Variants in GPSM1 observed in about 807,000 individuals in gnomAD.
GPSM1 encodes the protein G protein-signaling modulator 1.
In GPSM1, 48 loss-of-function variants were observed where a neutral mutation model predicts 70.5. The observed-to-expected ratio is 0.68, with a 90% confidence interval of 0.54 to 0.87. GPSM1 has a LOEUF of 0.87. Ranked by LOEUF, GPSM1 falls within the 40% of genes least tolerant of loss-of-function variation. GPSM1 has a pLI of 0.00. For missense variants in GPSM1, 981 were observed against 972.6 expected, an observed-to-expected ratio of 1.01 and a Z score of -0.11; for synonymous variants, 416 against 430.1, an observed-to-expected ratio of 0.97 and a Z score of 0.41.
chr9:136,331,855 C>T (rs974944059), intron 1 of GPSM1: 5 of 395,984 alleles, frequency 1.3e-5, no homozygotes, highest in Non-Finnish European at 2.2e-5. Flanking sequence ...CCCCCGAGCA[C>T]CTGCTGGAGG....
At chr9:136,356,586 C>A (rs1554773233) in intron 13 of GPSM1, 36 bp downstream of exon 13, 2 of 1,517,488 alleles carry the variant, frequency 1.3e-6, no homozygotes, top group South Asian at 2.4e-5. Flanking sequence ...GGCTCGCGGC[C>A]CCTTTGCCAT....
At chr9:136,332,616 C>T (rs1588689489) in intron 1 of GPSM1, among the ~76,000 whole-genome samples, 2 of 152,264 alleles carry the variant, frequency 1.3e-5, no homozygotes, top group Admixed American at 6.5e-5. Context: ...AAGCCCCGTG[C>T]GTGGCGCTGG....
Position 136,340,930 on chromosome 9 carries a change from C to G in GPSM1, c.1144C>G (p.Leu382Val), listed in dbSNP as rs886354412. 1.3e-6 allele frequency: 2 copies of G among 1,567,830 alleles called. No individual in the cohort carries two copies. The highest frequency in any genetic ancestry group is 3.7e-5 in the Admixed American group (2 of 53,542). ...GAACGTGGCGCAGCTGCAGCTGGTGCTCGGCCGCCTGACCAGCCCGGCAGC... is the reference window on the plus strand; with the variant it reads ...GAACGTGGCGCAGCTGCAGCTGGTGGTCGGCCGCCTGACCAGCCCGGCAGC... Reference protein sequence around the residue: ...RMNVAQLQLVLGRLTSPAASE... With the variant: ...RMNVAQLQLVVGRLTSPAASE... Residue 382 changes from leucine (L) to valine (V), a missense_variant, in exon 9 of 14, where the codon CTC becomes GTC. Transcript: ENST00000440944. The surrounding 1 kb of genome is among the most constrained non-coding windows in gnomAD (Gnocchi z 7.3).
rs782746529 is a variant in GPSM1, at chr9:136,356,500, G to A, written c.1771G>A (p.Glu591Lys). 72 of 1,611,634 alleles carry A rather than the reference G, an allele frequency of 4.5e-5. No homozygotes were observed. Among genetic ancestry groups the A allele is most frequent in the Admixed American group, 5.0e-5 (3 of 59,926 alleles). The change falls in exon 13 of 14, where the codon GAG (glutamate) becomes AAG (lysine). Residue 591 changes from glutamate (E) to lysine (K), a missense_variant. Physicochemically the swap from Glu to Lys is moderately conservative, Grantham distance 56. Coordinates refer to ENST00000440944, the MANE Select transcript of GPSM1 (RefSeq NM_001145638.3). ...TGCAGGGCACCTCCGAGGCCACGGC[G>A]AGCCCCAGGAGCCGGGGGACGACTT... ...SNAGHLRGHG[E>K]PQEPGDDFFN...
chr9:136,340,794 G>A lies in GPSM1; in HGVS notation c.1084-76G>A, dbSNP rs1832368960. ...AAGGTCAGGGACGGGTGTACTGGGG[G>A]CCATTAAGGTCCCCTTGGAGCCCAC... On this transcript the variant is annotated intron_variant, in intron 8 of 13. Coordinates refer to ENST00000440944, the MANE Select transcript of GPSM1 (RefSeq NM_001145638.3). The surrounding 1 kb of genome is among the most constrained non-coding windows in gnomAD (Gnocchi z 7.3). 10 of 1,483,848 alleles carry A rather than the reference G, an allele frequency of 6.7e-6. No homozygotes were observed. Among genetic ancestry groups the A allele is most frequent in the South Asian group, 6.6e-5 (5 of 75,694 alleles). 91.9% of individuals were successfully genotyped at this position (1,483,848 alleles called of 1,614,324 possible). A position where few individuals can be genotyped will look rare whatever the true frequency, so the allele number is the denominator to read the frequency against.
chr9:136,358,594 T>C lies in GPSM1; in HGVS notation c.*374T>C. On this transcript the variant is annotated 3_prime_UTR_variant, in exon 14 of 14. Transcript: ENST00000440944. ...CTCCCCCACCCTCCCCAAAGGTGTC[T>C]CTGAGCCGCCTCTTGGGGCCACCAA... 1 of 357,512 alleles carries C rather than the reference T, an allele frequency of 2.8e-6. No individual in the cohort carries two copies. The highest frequency in any genetic ancestry group is 5.1e-6 in the Non-Finnish European group (1 of 196,036). 22.1% of individuals were successfully genotyped at this position (357,512 alleles called of 1,614,324 possible). A position where few individuals can be genotyped will look rare whatever the true frequency, so the allele number is the denominator to read the frequency against.
chr9:136,355,767 C>T lies in GPSM1; in HGVS notation c.1533C>T (p.Asp511=), dbSNP rs782595763. Residue 511 remains aspartate (D), a synonymous_variant, in exon 12 of 14, where the codon GAC becomes GAT. Coordinates refer to ENST00000440944, the MANE Select transcript of GPSM1 (RefSeq NM_001145638.3). ...LLTKFQSSRM[D]DQRCPLDDGQ... Reference sequence around the variant, plus strand: ...CCAAGTTCCAGAGCAGCCGCATGGACGACCAGCGTTGTCCCCTGGACGATG... The same window carrying T: ...CCAAGTTCCAGAGCAGCCGCATGGATGACCAGCGTTGTCCCCTGGACGATG... 3.0e-5 allele frequency: 48 copies of T among 1,612,134 alleles called. No homozygotes were observed. Among genetic ancestry groups the T allele is most frequent in the African/African-American group, 5.3e-5 (4 of 74,906 alleles).
rs1477598986 is a variant in GPSM1, at chr9:136,336,994, C to T, written c.500C>T (p.Ala167Val). ...HAKGKQLSWNAANATQDPGHL... is the reference protein window; with the variant it reads ...HAKGKQLSWNVANATQDPGHL... Reference sequence around the variant, plus strand: ...AAAGGCAAGCAACTGTCCTGGAACGCCGCAAACGCCACGCAGGACCCCGGG... The same window carrying T: ...AAAGGCAAGCAACTGTCCTGGAACGTCGCAAACGCCACGCAGGACCCCGGG... Residue 167 changes from alanine to valine, a missense_variant, in exon 4 of 14, where the codon GCC becomes GTC. Physicochemically the swap from Ala to Val is moderately conservative, Grantham distance 64 (BLOSUM62 0). Transcript: ENST00000440944. 6.4e-7 allele frequency: 1 copy of T among 1,554,042 alleles called. No individual in the cohort carries two copies.
chr9:136,357,464 A>G (rs1388510333), intron 13 of GPSM1, among the ~76,000 whole-genome samples: 1 of 152,216 alleles, frequency 6.6e-6, no homozygotes, highest in Admixed American at 6.5e-5. Context: ...CAGGCGCTTC[A>G]GAGAAGCCCA....
chr9:136,347,505 C>T (rs974022603), intron 9 of GPSM1, among the ~76,000 whole-genome samples: 2 of 152,126 alleles, frequency 1.3e-5, no homozygotes, highest in Admixed American at 1.3e-4. Flanking sequence ...ATGTGCCAGG[C>T]GTAGGGACAG....
At position 136,340,176 on chromosome 9, in the gene GPSM1, C is replaced by T. The variant is rs1198782524; in HGVS notation, c.1083+361C>T. On this transcript the variant is annotated intron_variant, in intron 8 of 13. Coordinates refer to ENST00000440944, the MANE Select transcript of GPSM1 (RefSeq NM_001145638.3). The surrounding 1 kb of genome is among the most constrained non-coding windows in gnomAD (Gnocchi z 7.3). ...CCTGTCCTTACATCACCCACTCCCA[C>T]GCCACCTCCCTCTGCACACCCCGAG... Among the ~76,000 whole-genome samples the T allele has an allele frequency of 2.0e-5, 3 of 152,024 alleles. No homozygotes were observed. The highest frequency in any genetic ancestry group is 1.9e-4 in the East Asian group (1 of 5,162).
chr9:136,331,694 T>A (rs974563228), intron 1 of GPSM1, among the ~76,000 whole-genome samples: 6 of 152,074 alleles, frequency 3.9e-5, no homozygotes, highest in Non-Finnish European at 7.4e-5. Flanking sequence ...AGTTGGCGGG[T>A]GACTGACGGG....
Position 136,334,602 on chromosome 9 carries a change from C to T in GPSM1, c.224C>T (p.Ala75Val), listed in dbSNP as rs782417895. 6.2e-7 allele frequency: 1 copy of T among 1,613,166 alleles called. No individual in the cohort carries two copies. The highest frequency in any genetic ancestry group is 8.5e-7 in the Non-Finnish European group (1 of 1,180,002). Residue 75 changes from alanine (A) to valine (V), a missense_variant, in exon 2 of 14, where the codon GCC becomes GTC. Coordinates refer to ENST00000440944, the MANE Select transcript of GPSM1 (RefSeq NM_001145638.3). ...GCCATCTACAGCCAGCTGGGCAACG[C>T]CTACTTCTACCTGAAGGAGCACGGC... is the stretch of plus-strand genomic sequence containing the variant. ...LSAIYSQLGN[A>V]YFYLKEHGRA...
intron 1 of GPSM1, among the ~76,000 whole-genome samples, chr9:136,327,991 G>A (rs930988275): frequency 1.2e-4 from 18 of 152,092 alleles, no homozygotes; most frequent in African/African-American, 4.1e-4. Context: ...GGGGGCCGGG[G>A]GGCTGGAGGC....
intron 11 of GPSM1, chr9:136,353,077 C>T (rs1260292224): frequency 1.0e-6 from 1 of 985,260 alleles, no homozygotes; most frequent in Non-Finnish European, 1.2e-6. Flanking sequence ...GCCCTGGGCA[C>T]CTTGTGTCCT....
chr9:136,345,187 G>T (rs1323703315), intron 9 of GPSM1, among the ~76,000 whole-genome samples: 1 of 152,206 alleles, frequency 6.6e-6, no homozygotes, highest in Non-Finnish European at 1.5e-5. Context: ...CAAGATGCTC[G>T]ATGGGCTTGA....
intron 1 of GPSM1, among the ~76,000 whole-genome samples, chr9:136,330,716 A>G (rs1446470203): frequency 1.3e-5 from 2 of 152,084 alleles, no homozygotes; most frequent in African/African-American, 4.8e-5. Context: ...GCAGGTGCCA[A>G]TTCTGTTAGC....
chr9:136,335,248 G>C (rs551241221), intron 2 of GPSM1, among the ~76,000 whole-genome samples: 14 of 152,126 alleles, frequency 9.2e-5, no homozygotes, highest in African/African-American at 3.4e-4. Context: ...TGCCCTGGGG[G>C]CTGTCCCTGC....
intron 11 of GPSM1, among the ~76,000 whole-genome samples, chr9:136,351,638 GC>G (rs1188041622): frequency 6.6e-6 from 1 of 152,160 alleles, no homozygotes; most frequent in Non-Finnish European, 1.5e-5. Context: ...GTGTCCAGCT[GC>G]CTGGCCCAGC....
Sources: gnomAD v4.1 joint callset for allele counts (sites outside exome capture counted in the v4.1 genomes callset) on GRCh38, gnomAD v4.1.1 for gene constraint, Gnocchi (gnomAD v3.1) non-coding constraint, MANE v1.5 for transcripts, NCBI Gene and HGNC (gene_info 2026-07-23, HGNC 2026-07-21) for gene names.